EYS: variants seen among roughly 807,000 people sequenced by gnomAD.
The protein encoded by EYS is EGF-like photoreceptor maintenance factor, also known as protein eyes shut homolog.
EYS carries 250 observed loss-of-function variants against 282.1 expected under a neutral mutation model. The ratio of observed to expected loss-of-function variants is 0.89; its 90% CI spans 0.80 to 0.98. The LOEUF (loss-of-function observed/expected upper bound fraction) is 0.98. Ranked by LOEUF, EYS falls within the 50% of genes least tolerant of loss-of-function variation. The pLI is 0.00. For synonymous variants in EYS, 1,355 were observed against 1,282.9 expected, an observed-to-expected ratio of 1.06 and a Z score of -1.20; for missense variants, 4,016 against 3,709.0, an observed-to-expected ratio of 1.08 and a Z score of -2.15.
At chr6:64,392,498 G>A (rs1773191163) in intron 28 of EYS, among the ~76,000 whole-genome samples, 1 of 151,610 alleles carries the variant, frequency 6.6e-6, no homozygotes, top group African/African-American at 2.4e-5. Context: ...CAACTACATG[G>A]AAACTGAACA....
At chr6:65,372,920 A>C (rs9453287) in intron 8 of EYS, among the ~76,000 whole-genome samples, 30,329 of 152,012 alleles carry the variant, frequency 0.2, 3,202 homozygotes, top group South Asian at 0.35. Flanking sequence ...TCTTAATGTT[A>C]CTATGAAGAA....
intron 1 of EYS, among the ~76,000 whole-genome samples, chr6:65,703,830 T>A (rs553950439): frequency 6.6e-6 from 1 of 152,072 alleles, no homozygotes; most frequent in African/African-American, 2.4e-5. Context: ...GAAAAATGAA[T>A]TGTTTCTGAA....
At chr6:64,457,226 T>C (rs990768108) in intron 26 of EYS, among the ~76,000 whole-genome samples, 2 of 152,036 alleles carry the variant, frequency 1.3e-5, no homozygotes, top group Non-Finnish European at 2.9e-5. Context: ...TGGTCGAAAA[T>C]GATACTTGAT....
At chr6:64,651,362 GTTTGTT>G (rs1768553610) in intron 22 of EYS, among the ~76,000 whole-genome samples, 1 of 152,064 alleles carries the variant, frequency 6.6e-6, no homozygotes, top group African/African-American at 2.4e-5. Context: ...CAAAAATTAT[GTTTGTT>G]TTTGTTTTTT....
intron 29 of EYS, among the ~76,000 whole-genome samples, chr6:64,346,344 C>T (rs763755247): frequency 1.3e-5 from 2 of 152,040 alleles, no homozygotes; most frequent in African/African-American, 2.4e-5. Flanking sequence ...AAATGTGTCA[C>T]ATACACACCA....
At chr6:65,337,500 CT>C in intron 10 of EYS, among the ~76,000 whole-genome samples, 1 of 151,286 alleles carries the variant, frequency 6.6e-6, no homozygotes, top group East Asian at 2.0e-4. Context: ...TTTTATGACA[CT>C]ACTTTATTTT....
chr6:64,740,295 A>G (rs1562165065), intron 22 of EYS, among the ~76,000 whole-genome samples: 1 of 152,224 alleles, frequency 6.6e-6, no homozygotes, highest in African/African-American at 2.4e-5. Flanking sequence ...TATAAAAAAA[A>G]TATGAGAATG....
intron 2 of EYS, among the ~76,000 whole-genome samples, chr6:65,528,873 T>C (rs952688458): frequency 1.3e-5 from 2 of 152,194 alleles, no homozygotes; most frequent in African/African-American, 2.4e-5. Flanking sequence ...TTCAGACCCT[T>C]AAGAAATAAA....
chr6:64,151,332 TATATA>T lies in EYS; in HGVS notation c.6425-69335_6425-69331del, dbSNP rs1774712157. ...GTGTGTATATTTATATATATATATA[TATATA>T]TATATATATATATATATATATATAT... On this transcript the variant is annotated intron_variant, in intron 31 of 42. Transcript: ENST00000503581. Among the ~76,000 whole-genome samples, 11 of 101,658 alleles carry T rather than the reference TATATA, an allele frequency of 1.1e-4. 1 individual carries two copies. Among genetic ancestry groups the T allele is most frequent in the African/African-American group, 4.3e-4 (8 of 18,502 alleles). The allele number at this position is 101,658 out of a possible 152,430, so 66.7% of individuals were successfully genotyped here.
At chr6:64,581,026 T>C (rs1766042768) in intron 26 of EYS, among the ~76,000 whole-genome samples, 1 of 152,088 alleles carries the variant, frequency 6.6e-6, no homozygotes, top group Non-Finnish European at 1.5e-5. Context: ...AAGTTTAAAG[T>C]ATTGAGAGAC....
intron 12 of EYS, among the ~76,000 whole-genome samples, chr6:65,119,767 T>G (rs958753847): frequency 4.0e-4 from 60 of 151,802 alleles, no homozygotes; most frequent in African/African-American, 1.4e-3. Flanking sequence ...CTTGGGAGGC[T>G]GAGGTGGGAG....
intron 14 of EYS, among the ~76,000 whole-genome samples, chr6:64,989,590 ATAT>A (rs1299038373): frequency 2.1e-5 from 3 of 141,686 alleles, no homozygotes; most frequent in Non-Finnish European, 3.1e-5. Context: ...TATAAAAATT[ATAT>A]TATTTAATTT....
intron 35 of EYS, among the ~76,000 whole-genome samples, chr6:63,971,578 G>A (rs1485562686): frequency 6.6e-6 from 1 of 152,028 alleles, no homozygotes; most frequent in Non-Finnish European, 1.5e-5. Context: ...AAATATTTGT[G>A]GCTCACATTT....
intron 35 of EYS, among the ~76,000 whole-genome samples, chr6:63,897,387 G>T (rs768325827): frequency 6.6e-6 from 1 of 152,144 alleles, no homozygotes; most frequent in Non-Finnish European, 1.5e-5. Context: ...GGTGCCCTCT[G>T]AATGCTATTA....
intron 15 of EYS, among the ~76,000 whole-genome samples, chr6:64,930,120 T>G (rs1768662964): frequency 6.6e-6 from 1 of 152,142 alleles, no homozygotes; most frequent in Admixed American, 6.6e-5. Flanking sequence ...GTAGACACAC[T>G]TTGATCCAGC....
intron 31 of EYS, among the ~76,000 whole-genome samples, chr6:64,086,808 C>T (rs1469987172): frequency 6.6e-6 from 1 of 152,112 alleles, no homozygotes; most frequent in Non-Finnish European, 1.5e-5. Context: ...ATGTCCTAAG[C>T]ATATGAATTC....
At chr6:63,735,318 A>G (rs1373357849) in intron 41 of EYS, among the ~76,000 whole-genome samples, 4 of 152,078 alleles carry the variant, frequency 2.6e-5, no homozygotes, top group African/African-American at 9.7e-5. Flanking sequence ...TGGAAATATA[A>G]TTTTTTATAA....
chr6:64,963,537 A>C (rs920967151), intron 14 of EYS, among the ~76,000 whole-genome samples: 1 of 152,188 alleles, frequency 6.6e-6, no homozygotes, highest in African/African-American at 2.4e-5. Flanking sequence ...TGAGACCACC[A>C]AAAGATAGAG....
intron 2 of EYS, among the ~76,000 whole-genome samples, chr6:65,516,958 T>G (rs1450863191): frequency 6.6e-6 from 1 of 152,004 alleles, no homozygotes; most frequent in Non-Finnish European, 1.5e-5. Context: ...TGACACTGTA[T>G]GATGTTGTTA....
Sources: gnomAD v4.1 joint callset for allele counts (sites outside exome capture counted in the v4.1 genomes callset) on GRCh38, gnomAD v4.1.1 for gene constraint, MANE v1.5 for transcripts, NCBI Gene and HGNC (gene_info 2026-07-23, HGNC 2026-07-21) for gene names.